The following PCDH15 variants were observed in gnomAD, a reference collection of about 807,000 sequenced individuals.
PCDH15 encodes protocadherin-15.
A neutral mutation model predicts 178.5 loss-of-function variants in PCDH15; 129 were observed. The ratio of observed to expected loss-of-function variants is 0.72; its 90% CI spans 0.63 to 0.84. The LOEUF is 0.84. Among genes scored for constraint, PCDH15 ranks in the 40% least tolerant of loss-of-function variants. The probability of loss-of-function intolerance (pLI) is 0.00; values close to 1 mark genes in which losing one functional copy is unlikely to be tolerated. For missense variants in PCDH15, 2,230 were observed against 2,099.9 expected, an observed-to-expected ratio of 1.06 and a Z score of -1.21; for synonymous variants, 800 against 732.0, an observed-to-expected ratio of 1.09 and a Z score of -1.50.
chr10:55,486,435 T>C lies in PCDH15; in HGVS notation c.-156+141190A>G, dbSNP rs186661603. ...TCAGAAATGCTTCAAACCATAGCCA[T>C]AGAGAAAATATAATAATTTATATGT... On this transcript the variant is annotated intron_variant, in intron 2 of 5. Coordinates refer to the PCDH15 transcript ENST00000613346. 3.6e-3 allele frequency among the ~76,000 whole-genome samples: 536 copies of C among 150,568 alleles called. 3 individuals carry two copies. The highest frequency in any genetic ancestry group is 0.014 in the Middle Eastern group (4 of 290).
chr10:55,237,649 C>T (rs1187956365), intron 1 of PCDH15, among the ~76,000 whole-genome samples: 2 of 152,088 alleles, frequency 1.3e-5, no homozygotes, highest in Admixed American at 6.6e-5. Context: ...CTTACCTAAA[C>T]ATCAAACAGG....
At chr10:54,269,135 A>ACAT (rs1353924794) in intron 8 of PCDH15, among the ~76,000 whole-genome samples, 1 of 152,002 alleles carries the variant, frequency 6.6e-6, no homozygotes, top group African/African-American at 2.4e-5. Context: ...TATATATGAA[A>ACAT]CATATTCAAT....
intron 2 of PCDH15, among the ~76,000 whole-genome samples, chr10:54,635,310 A>G (rs2093819751): frequency 6.6e-6 from 1 of 151,612 alleles, no homozygotes; most frequent in African/African-American, 2.4e-5. Context: ...TTGCTTCAAA[A>G]ACTCGAGTAA....
chr10:55,144,502 A>G lies in PCDH15; in HGVS notation c.-80+22074T>C, dbSNP rs554312286. On this transcript the variant is annotated intron_variant, in intron 2 of 5. Coordinates refer to the PCDH15 transcript ENST00000458638. ...TGCAGAACTTCCTAATGAGATTCTTATCTGATAGAGGAAATTGACTTGGAC... is the reference window on the plus strand; with the variant it reads ...TGCAGAACTTCCTAATGAGATTCTTGTCTGATAGAGGAAATTGACTTGGAC... Among the ~76,000 whole-genome samples the G allele has an allele frequency of 3.3e-5, 5 of 152,232 alleles. No individual in the cohort carries two copies. The South Asian group carries it at 6.2e-4, about 19-fold the overall frequency.
intron 8 of PCDH15, among the ~76,000 whole-genome samples, chr10:54,302,597 C>T (rs2060207522): frequency 6.6e-6 from 1 of 152,098 alleles, no homozygotes; most frequent in Non-Finnish European, 1.5e-5. Context: ...CTACTGGTGC[C>T]TTTATCTTAG....
At chr10:55,209,184 G>A (rs560505890) in intron 1 of PCDH15, among the ~76,000 whole-genome samples, 1 of 152,066 alleles carries the variant, frequency 6.6e-6, no homozygotes, top group African/African-American at 2.4e-5. Context: ...TACATTCAAG[G>A]CACTGAAACA....
At chr10:54,544,308 T>G (rs2085598209) in intron 2 of PCDH15, among the ~76,000 whole-genome samples, 1 of 152,190 alleles carries the variant, frequency 6.6e-6, no homozygotes, top group Non-Finnish European at 1.5e-5. Flanking sequence ...ATTAACTGCA[T>G]TTTTTGGAGC....
chr10:55,602,565 A>G (rs1843112240), intron 2 of PCDH15, among the ~76,000 whole-genome samples: 1 of 152,146 alleles, frequency 6.6e-6, no homozygotes, highest in Admixed American at 6.5e-5. Flanking sequence ...TGCCTCCTCA[A>G]GTGGGTCCCT....
chr10:54,100,827 TG>T (rs200543824), intron 15 of PCDH15, among the ~76,000 whole-genome samples: 36 of 151,300 alleles, frequency 2.4e-4, no homozygotes, highest in South Asian at 2.3e-3. Flanking sequence ...CCACTTAAGG[TG>T]GGGGGGGATT....
intron 1 of PCDH15, among the ~76,000 whole-genome samples, chr10:54,759,254 A>G (rs1947557202): frequency 6.6e-6 from 1 of 152,236 alleles, no homozygotes; most frequent in African/African-American, 2.4e-5. Flanking sequence ...CCACTTGAAC[A>G]CTACCGGGCA....
At position 54,853,287 on chromosome 10, in the gene PCDH15, GTGTA is replaced by G. The variant is rs1554806758; in HGVS notation, c.-29+44159_-29+44162del. On this transcript the variant is annotated intron_variant, in intron 3 of 5. Transcript: ENST00000458638. ...AATATATATATATGTGTATGTATGT[GTGTA>G]TATATATATATATATATATATATAT... Among the ~76,000 whole-genome samples, 250 of 56,560 alleles carry G rather than the reference GTGTA, an allele frequency of 4.4e-3. 1 individual carries two copies. The highest frequency in any genetic ancestry group is 0.016 in the African/African-American group (227 of 14,420). The allele number at this position is 56,560 out of a possible 152,430, so 37.1% of individuals were successfully genotyped here. A position where few individuals can be genotyped will look rare whatever the true frequency, so the allele number is the denominator to read the frequency against.
chr10:55,559,590 T>C (rs1254917575), intron 2 of PCDH15, among the ~76,000 whole-genome samples: 5 of 152,004 alleles, frequency 3.3e-5, no homozygotes, highest in Admixed American at 1.3e-4. Flanking sequence ...TTGTTTTTAC[T>C]AGTTTTAAAG....
intron 3 of PCDH15, among the ~76,000 whole-genome samples, chr10:54,886,452 T>C (rs1471051027): frequency 6.6e-6 from 1 of 152,178 alleles, no homozygotes; most frequent in Non-Finnish European, 1.5e-5. Flanking sequence ...TGCAACAACT[T>C]AGTTGCCTTA....
intron 1 of PCDH15, among the ~76,000 whole-genome samples, chr10:55,255,983 G>A (rs1841986870): frequency 6.6e-6 from 1 of 152,118 alleles, no homozygotes; most frequent in African/African-American, 2.4e-5. Context: ...TTTGGCTTTT[G>A]TTGCCATTGC....
chr10:54,032,054 T>G (rs1000743040), intron 18 of PCDH15, among the ~76,000 whole-genome samples: 1 of 151,968 alleles, frequency 6.6e-6, no homozygotes, highest in African/African-American at 2.4e-5. Flanking sequence ...AAATTATATT[T>G]AGTTTTCCAA....
At chr10:54,754,061 C>T (rs999520924) in intron 1 of PCDH15, among the ~76,000 whole-genome samples, 8 of 151,460 alleles carry the variant, frequency 5.3e-5, no homozygotes, top group African/African-American at 1.9e-4. Flanking sequence ...ATCTCCTGAC[C>T]TCGTGATCCA....
intron 1 of PCDH15, among the ~76,000 whole-genome samples, chr10:54,754,717 GCTT>G (rs1248573456): frequency 1.3e-5 from 2 of 151,726 alleles, no homozygotes; most frequent in Admixed American, 1.3e-4. Context: ...GATTATTTCA[GCTT>G]TTTTCAGAAT....
chr10:54,697,361 A>G (rs2095243280), intron 1 of PCDH15, among the ~76,000 whole-genome samples: 1 of 151,914 alleles, frequency 6.6e-6, no homozygotes, highest in African/African-American at 2.4e-5. Context: ...TTTTATTTAC[A>G]GGTATATCTG....
chr10:55,528,817 G>T (rs1263728586), intron 2 of PCDH15, among the ~76,000 whole-genome samples: 2 of 152,066 alleles, frequency 1.3e-5, no homozygotes, highest in South Asian at 2.1e-4. Context: ...CTTCCACAAT[G>T]GTTGAACTAG....
Sources: allele counts gnomAD v4.1 joint callset (sites outside exome capture counted in the v4.1 genomes callset), GRCh38; gene constraint gnomAD v4.1.1; transcripts MANE v1.5; gene names NCBI Gene and HGNC (gene_info 2026-07-23, HGNC 2026-07-21).